ABTB2: variants seen among roughly 807,000 people sequenced by gnomAD.
ABTB2 encodes ankyrin repeat and BTB domain containing 2.
ABTB2 carries 56 observed loss-of-function variants against 104.1 expected under a neutral mutation model. The observed-to-expected ratio is 0.54, with a 90% confidence interval of 0.43 to 0.67. The LOEUF (loss-of-function observed/expected upper bound fraction) is 0.67, where lower values mean the gene tolerates loss of function less well. Ranked by LOEUF, ABTB2 falls within the 30% of genes least tolerant of loss-of-function variation. The probability of loss-of-function intolerance (pLI) is 0.00; values close to 1 mark genes in which losing one functional copy is unlikely to be tolerated. For synonymous variants in ABTB2, 606 were observed against 608.2 expected, an observed-to-expected ratio of 1.00 and a Z score of 0.05; for missense variants, 1,279 against 1,407.7, an observed-to-expected ratio of 0.91 and a Z score of 1.46.
At chr11:34,326,889 G>T (rs1407776839) in intron 1 of ABTB2, among the ~76,000 whole-genome samples, 1 of 152,120 alleles carries the variant, frequency 6.6e-6, no homozygotes, top group Non-Finnish European at 1.5e-5. Context: ...AGGCAACATG[G>T]TGAAAGCCTG....
At chr11:34,171,756 C>G (rs1852877091) in intron 4 of ABTB2, among the ~76,000 whole-genome samples, 1 of 152,090 alleles carries the variant, frequency 6.6e-6, no homozygotes, top group South Asian at 2.1e-4. Flanking sequence ...GCAGGCTGCA[C>G]TCAGCCTATA....
At chr11:34,177,566 T>C (rs1416914617) in intron 3 of ABTB2, among the ~76,000 whole-genome samples, 3 of 152,336 alleles carry the variant, frequency 2.0e-5, no homozygotes, top group Admixed American at 1.3e-4. Flanking sequence ...GGTTTTTTTT[T>C]CCTACAGAAC....
chr11:34,273,619 G>A (rs1854346382), intron 1 of ABTB2, among the ~76,000 whole-genome samples: 1 of 152,138 alleles, frequency 6.6e-6, no homozygotes, highest in South Asian at 2.1e-4. Flanking sequence ...CCGAGGAGAG[G>A]GATGGAACAG....
intron 1 of ABTB2, among the ~76,000 whole-genome samples, chr11:34,227,451 C>T (rs1343979072): frequency 6.6e-6 from 1 of 152,114 alleles, no homozygotes. Context: ...CTTTTTGTGT[C>T]TGGCTTCTTT....
chr11:34,341,507 A>G, intron 1 of ABTB2, among the ~76,000 whole-genome samples: 1 of 152,216 alleles, frequency 6.6e-6, no homozygotes, highest in Non-Finnish European at 1.5e-5. Flanking sequence ...GTCTGCGATG[A>G]TGGAAATGTT....
chr11:34,308,091 G>A (rs1854800041), intron 1 of ABTB2, among the ~76,000 whole-genome samples: 2 of 152,130 alleles, frequency 1.3e-5, no homozygotes, highest in Non-Finnish European at 2.9e-5. Context: ...CTGTGTCTGG[G>A]CCTCCTCATC....
intron 1 of ABTB2, among the ~76,000 whole-genome samples, chr11:34,268,572 G>C (rs1030626205): frequency 2.0e-5 from 3 of 152,146 alleles, no homozygotes; most frequent in African/African-American, 7.2e-5. Flanking sequence ...GTACTGGAAG[G>C]GTATTGGAAT....
intron 1 of ABTB2, among the ~76,000 whole-genome samples, chr11:34,227,212 T>C (rs1337602341): frequency 6.6e-6 from 1 of 150,440 alleles, no homozygotes; most frequent in African/African-American, 2.5e-5. Flanking sequence ...AGGCGTAGGT[T>C]GCAGTGAGCC....
chr11:34,182,005 T>C (rs1377524057), intron 3 of ABTB2, among the ~76,000 whole-genome samples: 1 of 152,242 alleles, frequency 6.6e-6, no homozygotes, highest in African/African-American at 2.4e-5. Flanking sequence ...TGCTCCTCCC[T>C]GTCTTGTCTG....
intron 1 of ABTB2, among the ~76,000 whole-genome samples, chr11:34,206,178 G>A (rs994519165): frequency 6.6e-6 from 1 of 152,066 alleles, no homozygotes; most frequent in Admixed American, 6.6e-5. Context: ...TGGCCAACAC[G>A]GAGAAACCCC....
intron 2 of ABTB2, among the ~76,000 whole-genome samples, chr11:34,203,447 C>T (rs1045469056): frequency 1.5e-4 from 23 of 152,252 alleles, no homozygotes; most frequent in Admixed American, 1.0e-3. Context: ...CATGACTGTG[C>T]GAGGGCCCAA....
intron 1 of ABTB2, among the ~76,000 whole-genome samples, chr11:34,299,301 C>T (rs528263759): frequency 8.5e-5 from 13 of 152,186 alleles, no homozygotes; most frequent in African/African-American, 2.9e-4. Context: ...TTCTAGGACA[C>T]GGCTATACAC....
chr11:34,293,163 C>A (rs769107523), intron 1 of ABTB2, among the ~76,000 whole-genome samples: 2 of 152,034 alleles, frequency 1.3e-5, no homozygotes, highest in Non-Finnish European at 2.9e-5. Flanking sequence ...AAAGAAGAAT[C>A]GAGGATAGCT....
chr11:34,265,420 G>A (rs936357423), intron 1 of ABTB2, among the ~76,000 whole-genome samples: 6 of 152,114 alleles, frequency 3.9e-5, no homozygotes, highest in African/African-American at 1.2e-4. Context: ...CAGCACTTTG[G>A]GAGGCCAAGG....
chr11:34,214,139 A>AACATAC (rs1554983695), intron 1 of ABTB2, among the ~76,000 whole-genome samples: 1 of 139,172 alleles, frequency 7.2e-6, no homozygotes, highest in Non-Finnish European at 1.5e-5. Context: ...GCACATTCAA[A>AACATAC]ACACACACAC....
Position 34,162,122 on chromosome 11 carries a change from C to T in ABTB2, c.2218+454G>A, listed in dbSNP as rs116515865. 3.8e-3 allele frequency among the ~76,000 whole-genome samples: 577 copies of T among 152,316 alleles called. 4 individuals are homozygous for T. Among genetic ancestry groups the T allele is most frequent in the Middle Eastern group, 0.017 (5 of 294 alleles). On this transcript the variant is annotated intron_variant, in intron 10 of 16. Transcript: ENST00000435224. ...GGTATGCAGCTAACACAGGACCTGACCTAAGTCTGTCTGACTAGCCTCCCT... is the reference window on the plus strand; with the variant it reads ...GGTATGCAGCTAACACAGGACCTGATCTAAGTCTGTCTGACTAGCCTCCCT...
intron 1 of ABTB2, among the ~76,000 whole-genome samples, chr11:34,215,930 A>G: frequency 6.6e-6 from 1 of 152,202 alleles, no homozygotes; most frequent in South Asian, 2.1e-4. Context: ...CTTAAAGGCC[A>G]CTAGGATCCA....
At chr11:34,271,137 T>A (rs149861850) in intron 1 of ABTB2, among the ~76,000 whole-genome samples, 84 of 152,268 alleles carry the variant, frequency 5.5e-4, no homozygotes, top group South Asian at 5.0e-3. Flanking sequence ...TAGAAGTAGA[T>A]GATGAACACT....
At chr11:34,241,108 G>A (rs1186475462) in intron 1 of ABTB2, among the ~76,000 whole-genome samples, 1 of 152,152 alleles carries the variant, frequency 6.6e-6, no homozygotes, top group Non-Finnish European at 1.5e-5. Context: ...GAGGATTTGA[G>A]AGCCTGATGG....
Sources: allele counts gnomAD v4.1 joint callset (sites outside exome capture counted in the v4.1 genomes callset), GRCh38; gene constraint gnomAD v4.1.1; transcripts MANE v1.5; gene names NCBI Gene and HGNC (gene_info 2026-07-23, HGNC 2026-07-21).